PDGFC: variants seen among roughly 807,000 people sequenced by gnomAD.
The protein encoded by PDGFC is platelet derived growth factor C, also known as platelet-derived growth factor C.
Under a neutral mutation model 35.5 loss-of-function variants are expected in PDGFC, and 12 were observed. The observed-to-expected ratio is 0.34, with a 90% confidence interval of 0.22 to 0.55. The LOEUF (loss-of-function observed/expected upper bound fraction) is 0.55, where lower values mean the gene tolerates loss of function less well. Ranked by LOEUF, PDGFC falls within the 20% of genes least tolerant of loss-of-function variation. PDGFC has a pLI of 0.91. For synonymous variants in PDGFC, 159 were observed against 148.8 expected (o/e 1.07, Z -0.50); for missense variants, 322 against 412.4 (o/e 0.78, Z 1.90).
At chr4:156,861,360 A>G (rs1447649348) in intron 1 of PDGFC, 2 of 519,028 alleles carry the variant, frequency 3.9e-6, no homozygotes, top group Non-Finnish European at 6.5e-6. Flanking sequence ...TAATTACATG[A>G]AAGTACAACA....
chr4:156,838,344 C>G (rs1026659131), intron 2 of PDGFC, among the ~76,000 whole-genome samples: 7 of 152,230 alleles, frequency 4.6e-5, no homozygotes, highest in African/African-American at 1.7e-4. Flanking sequence ...TCTTGCCAAT[C>G]AGAGGAACAC....
At chr4:156,844,307 G>A (rs923535634) in intron 2 of PDGFC, among the ~76,000 whole-genome samples, 1 of 152,044 alleles carries the variant, frequency 6.6e-6, no homozygotes, top group Non-Finnish European at 1.5e-5. Flanking sequence ...TTCTAAAGTA[G>A]TCATTCAAAA....
At chr4:156,935,576 G>C (rs768731468) in intron 1 of PDGFC, among the ~76,000 whole-genome samples, 2 of 152,192 alleles carry the variant, frequency 1.3e-5, no homozygotes, top group Non-Finnish European at 2.9e-5. Context: ...AATCTGATGA[G>C]ACCACTGTCA....
rs1368392765 is a variant in PDGFC, at chr4:156,850,307, T to A, written c.228A>T (p.Arg76Ser). ...TYPRNTVLVW[R>S]LVAVEENVWI... is the part of the protein sequence containing the mutation. ...ATACATTTTCCTCTACTGCTACTAATCTCCATACCAAGACCGTATTTCTTG... is the reference window on the plus strand; with the variant it reads ...ATACATTTTCCTCTACTGCTACTAAACTCCATACCAAGACCGTATTTCTTG... The change falls in exon 2 of 6, where the codon AGA (arginine) becomes AGT (serine). Residue 76 changes from arginine (R) to serine (S), a missense_variant. Arg to Ser is a moderately radical substitution (Grantham distance 110). Transcript: ENST00000502773. 6.2e-7 allele frequency: 1 copy of A among 1,610,956 alleles called. No individual in the cohort carries two copies. Among genetic ancestry groups the A allele is most frequent in the East Asian group, 2.2e-5 (1 of 44,756 alleles).
intron 2 of PDGFC, among the ~76,000 whole-genome samples, chr4:156,845,959 A>T (rs942450941): frequency 6.6e-6 from 1 of 151,832 alleles, no homozygotes; most frequent in Non-Finnish European, 1.5e-5. Context: ...AATGAAGAGG[A>T]GGGAGCACAA....
chr4:156,857,919 A>G (rs1338199955), intron 1 of PDGFC, among the ~76,000 whole-genome samples: 1 of 152,070 alleles, frequency 6.6e-6, no homozygotes, highest in African/African-American at 2.4e-5. Flanking sequence ...ATGCAGCTAG[A>G]TCCGATCTCA....
chr4:156,876,636 G>C (rs973772166), intron 1 of PDGFC: 2 of 152,002 alleles, frequency 1.3e-5, no homozygotes, highest in Non-Finnish European at 2.9e-5. Context: ...TAAAGGTCTT[G>C]GTTACTTGGA....
chr4:156,856,639 C>T (rs1332611101), intron 1 of PDGFC, among the ~76,000 whole-genome samples: 1 of 152,162 alleles, frequency 6.6e-6, no homozygotes, highest in Non-Finnish European at 1.5e-5. Flanking sequence ...GTTCCTGGCA[C>T]ATGGCAGCAC....
At chr4:156,915,524 G>C (rs529257155) in intron 1 of PDGFC, among the ~76,000 whole-genome samples, 1 of 152,120 alleles carries the variant, frequency 6.6e-6, no homozygotes, top group African/African-American at 2.4e-5. Context: ...GGTGCGGGGG[G>C]GCAGGGTGCA....
At chr4:156,807,075 G>A (rs1477977284) in intron 3 of PDGFC, among the ~76,000 whole-genome samples, 1 of 151,188 alleles carries the variant, frequency 6.6e-6, no homozygotes, top group Non-Finnish European at 1.5e-5. Context: ...AACTCCTTAG[G>A]CACAATCATA....
At chr4:156,932,079 T>A (rs1731562739) in intron 1 of PDGFC, among the ~76,000 whole-genome samples, 1 of 152,210 alleles carries the variant, frequency 6.6e-6, no homozygotes, top group South Asian at 2.1e-4. Flanking sequence ...AATGTAATGC[T>A]AATTTAATCT....
chr4:156,836,465 A>G (rs577671533), intron 2 of PDGFC, among the ~76,000 whole-genome samples: 2 of 152,308 alleles, frequency 1.3e-5, no homozygotes, highest in East Asian at 3.9e-4. Context: ...GAAATAGTCT[A>G]TATACCAACT....
chr4:156,803,083 G>A (rs1467491273), intron 3 of PDGFC, among the ~76,000 whole-genome samples: 1 of 152,132 alleles, frequency 6.6e-6, no homozygotes, highest in Non-Finnish European at 1.5e-5. Flanking sequence ...CTGCAAGGAT[G>A]ACGGTTTGTG....
chr4:156,796,224 C>G (rs533326474), intron 3 of PDGFC, among the ~76,000 whole-genome samples: 1 of 152,120 alleles, frequency 6.6e-6, no homozygotes, highest in Admixed American at 6.5e-5. Flanking sequence ...ATTATACCCT[C>G]CTTCTTGATA....
At chr4:156,861,442 T>G in intron 1 of PDGFC, 1 of 1,243,848 alleles carries the variant, frequency 8.0e-7, no homozygotes. Flanking sequence ...TTAAATGTTC[T>G]TTCTCCTCTT....
rs543902416 is a variant in PDGFC, at chr4:156,794,878, C to T, written c.495+15959G>A. Among the ~76,000 whole-genome samples, 20 of 152,236 alleles carry T rather than the reference C, an allele frequency of 1.3e-4. No individual in the cohort carries two copies. The South Asian group carries it at 4.1e-3, about 32-fold the overall frequency. ...ACGTTACCAATCACCTCTCTATTGA[C>T]CGCATGCATTTAATTTACGATTTTC... On this transcript the variant is annotated intron_variant, in intron 3 of 5. Transcript: ENST00000502773.
intron 1 of PDGFC, among the ~76,000 whole-genome samples, chr4:156,879,380 G>A (rs1338279628): frequency 6.6e-6 from 1 of 152,148 alleles, no homozygotes; most frequent in Non-Finnish European, 1.5e-5. Flanking sequence ...ATGCAGTTGT[G>A]CCAAGTTGAG....
intron 1 of PDGFC, among the ~76,000 whole-genome samples, chr4:156,858,742 T>C (rs55689703): frequency 0.016 from 2,459 of 152,234 alleles, 58 homozygotes; most frequent in African/African-American, 0.055. Context: ...AATAATACTG[T>C]TGTGGCAAAA....
intron 2 of PDGFC, among the ~76,000 whole-genome samples, chr4:156,830,216 T>C (rs1432171900): frequency 2.0e-5 from 3 of 151,070 alleles, no homozygotes; most frequent in Admixed American, 6.6e-5. Flanking sequence ...AATACAATTC[T>C]AAAAATAAGC....
Sources: gnomAD v4.1 joint callset for allele counts (sites outside exome capture counted in the v4.1 genomes callset) on GRCh38, gnomAD v4.1.1 for gene constraint, MANE v1.5 for transcripts, NCBI Gene and HGNC (gene_info 2026-07-23, HGNC 2026-07-21) for gene names.